The following NAALADL2 variants were observed in gnomAD, a reference collection of about 807,000 sequenced individuals.
NAALADL2 encodes the protein N-acetylated alpha-linked acidic dipeptidase like 2, also known as inactive N-acetylated-alpha-linked acidic dipeptidase-like protein 2.
NAALADL2 carries 76 observed loss-of-function variants against 87.2 expected under a neutral mutation model. The observed-to-expected ratio is 0.87, with a 90% CI of 0.72 to 1.05. The LOEUF (loss-of-function observed/expected upper bound fraction) is 1.05. Among genes scored for constraint, NAALADL2 ranks in the 50% least tolerant of loss-of-function variants. The pLI is 0.00. For synonymous variants in NAALADL2, 354 were observed against 331.0 expected, an observed-to-expected ratio of 1.07 and a Z score of -0.75; for missense variants, 1,089 against 945.8, an observed-to-expected ratio of 1.15 and a Z score of -1.99.
intron 11 of NAALADL2, among the ~76,000 whole-genome samples, chr3:175,661,122 G>A (rs765322887): frequency 6.6e-6 from 1 of 151,916 alleles, no homozygotes; most frequent in African/African-American, 2.4e-5. Flanking sequence ...ATGGTGTAAA[G>A]ATGTTCCCCT....
intron 2 of NAALADL2, among the ~76,000 whole-genome samples, chr3:174,618,458 T>C (rs915517858): frequency 2.0e-5 from 3 of 151,746 alleles, no homozygotes; most frequent in Admixed American, 2.0e-4. Flanking sequence ...TAAACATAGG[T>C]AAGATTTTGT....
chr3:174,886,353 C>G (rs1730152766), intron 1 of NAALADL2, among the ~76,000 whole-genome samples: 1 of 152,102 alleles, frequency 6.6e-6, no homozygotes, highest in Non-Finnish European at 1.5e-5. Context: ...TCTAGCCATG[C>G]TAGCAGCTGA....
intron 2 of NAALADL2, among the ~76,000 whole-genome samples, chr3:174,586,521 T>A (rs1716742794): frequency 6.6e-6 from 1 of 152,132 alleles, no homozygotes; most frequent in African/African-American, 2.4e-5. Context: ...CATACAGTGG[T>A]CCAGTGGCAG....
chr3:175,026,482 TAAAAAAAAAA>T (rs59236659), intron 1 of NAALADL2, among the ~76,000 whole-genome samples: 2 of 85,480 alleles, frequency 2.3e-5, no homozygotes, highest in African/African-American at 9.1e-5. Flanking sequence ...CCGTCTCTAC[TAAAAAAAAAA>T]AAAAAAAAAA....
In NAALADL2 at chr3:174,889,867, G is replaced by A. The variant is rs554413792; in HGVS notation, c.43+30417G>A. ...AACAGACAGTCTTCTTAATGCTAAA[G>A]CAACTGTGAAATAAGTTTCTTTTCA... On this transcript the variant is annotated intron_variant, in intron 1 of 13. Coordinates refer to ENST00000454872, the MANE Select transcript of NAALADL2 (RefSeq NM_207015.3). 1.2e-4 allele frequency among the ~76,000 whole-genome samples: 19 copies of A among 152,240 alleles called. No individual in the cohort carries two copies. The East Asian group carries it at 3.7e-3, about 29-fold the overall frequency.
At chr3:175,524,410 T>C (rs1560701774) in intron 9 of NAALADL2, among the ~76,000 whole-genome samples, 2 of 152,156 alleles carry the variant, frequency 1.3e-5, no homozygotes, top group Non-Finnish European at 2.9e-5. Flanking sequence ...CTTACTAACT[T>C]GTAATTTTTT....
chr3:175,358,301 T>C (rs62287963), intron 5 of NAALADL2, among the ~76,000 whole-genome samples: 5,751 of 152,264 alleles, frequency 0.038, 152 homozygotes, highest in Non-Finnish European at 0.054. Flanking sequence ...GCTTATAATA[T>C]AAAATTCATC....
intron 1 of NAALADL2, among the ~76,000 whole-genome samples, chr3:174,945,381 T>G (rs1739259860): frequency 1.3e-5 from 2 of 152,176 alleles, no homozygotes; most frequent in Non-Finnish European, 2.9e-5. Context: ...TGATGCATAT[T>G]TTCTGCTCTT....
chr3:175,335,444 T>A (rs973602650), intron 5 of NAALADL2, among the ~76,000 whole-genome samples: 4 of 152,164 alleles, frequency 2.6e-5, no homozygotes, highest in Admixed American at 2.0e-4. Flanking sequence ...TTGTTTGCAT[T>A]TTTTACCATT....
intron 2 of NAALADL2, among the ~76,000 whole-genome samples, chr3:174,619,451 T>C (rs1214902352): frequency 6.6e-6 from 1 of 151,950 alleles, no homozygotes; most frequent in Non-Finnish European, 1.5e-5. Flanking sequence ...GCTTTAGTAA[T>C]AAGCCCTGAA....
At chr3:174,810,546 A>C (rs1199727104) in intron 3 of NAALADL2, among the ~76,000 whole-genome samples, 2 of 152,030 alleles carry the variant, frequency 1.3e-5, no homozygotes, top group Non-Finnish European at 1.5e-5. Context: ...TCTACCAGAA[A>C]AGCATTCAAG....
intron 1 of NAALADL2, among the ~76,000 whole-genome samples, chr3:174,443,461 A>G (rs1389476366): frequency 6.6e-6 from 1 of 152,250 alleles, no homozygotes; most frequent in Non-Finnish European, 1.5e-5. Flanking sequence ...TGGAAAGAAC[A>G]GGAAGAAGAT....
At chr3:175,193,055 C>T (rs577654360) in intron 2 of NAALADL2, among the ~76,000 whole-genome samples, 2 of 151,810 alleles carry the variant, frequency 1.3e-5, no homozygotes, top group Non-Finnish European at 2.9e-5. Context: ...GAATACTACT[C>T]AGATTGTTGA....
intron 11 of NAALADL2, among the ~76,000 whole-genome samples, chr3:175,708,615 ACAAG>A (rs1208713953): frequency 1.4e-5 from 2 of 148,120 alleles, no homozygotes; most frequent in African/African-American, 5.2e-5. Context: ...AAAAAAAAAA[ACAAG>A]AAGAAAAATA....
At chr3:175,276,753 A>G (rs1431838585) in intron 4 of NAALADL2, among the ~76,000 whole-genome samples, 1 of 152,202 alleles carries the variant, frequency 6.6e-6, no homozygotes, top group Non-Finnish European at 1.5e-5. Flanking sequence ...AGAATGGTAA[A>G]TATATACATT....
At chr3:175,088,879 A>G (rs1454855692) in intron 1 of NAALADL2, among the ~76,000 whole-genome samples, 1 of 152,184 alleles carries the variant, frequency 6.6e-6, no homozygotes, top group African/African-American at 2.4e-5. Flanking sequence ...TTCTTTTTCC[A>G]GTGTAAACTA....
chr3:175,785,935 A>G (rs1327615835), intron 13 of NAALADL2, among the ~76,000 whole-genome samples: 1 of 150,842 alleles, frequency 6.6e-6, no homozygotes, highest in Non-Finnish European at 1.5e-5. Flanking sequence ...GCTTGTCTGT[A>G]AAGTATTTTA....
At chr3:175,387,851 A>G (rs1768593269) in intron 5 of NAALADL2, among the ~76,000 whole-genome samples, 1 of 152,090 alleles carries the variant, frequency 6.6e-6, no homozygotes, top group Non-Finnish European at 1.5e-5. Context: ...ACTACAACTA[A>G]TCATAAAGAA....
intron 5 of NAALADL2, among the ~76,000 whole-genome samples, chr3:175,406,835 T>C (rs1019076976): frequency 1.5e-4 from 23 of 152,212 alleles, no homozygotes; most frequent in African/African-American, 5.1e-4. Flanking sequence ...TCTTTTGTTA[T>C]GGCTTCCTGG....
Sources: allele counts gnomAD v4.1 joint callset (sites outside exome capture counted in the v4.1 genomes callset), GRCh38; gene constraint gnomAD v4.1.1; transcripts MANE v1.5; gene names NCBI Gene and HGNC (gene_info 2026-07-23, HGNC 2026-07-21).